DIAPH2: variants seen among roughly 807,000 people sequenced by gnomAD.
The protein encoded by DIAPH2 is protein diaphanous homolog 2.
In DIAPH2, 35 loss-of-function variants were observed where a neutral mutation model predicts 92.7. The observed-to-expected ratio is 0.38, with a 90% CI of 0.29 to 0.50. DIAPH2 has a LOEUF of 0.50. DIAPH2 is among the 20% of genes least tolerant of loss of function. The probability of loss-of-function intolerance (pLI) is 0.94; values close to 1 mark genes in which losing one functional copy is unlikely to be tolerated. For synonymous variants in DIAPH2, 301 were observed against 280.4 expected (o/e 1.07, Z -0.73); for missense variants, 701 against 819.5 (o/e 0.86, Z 1.77).
intron 17 of DIAPH2, among the ~76,000 whole-genome samples, chrX:97,000,299 A>G (rs996728579): frequency 5.4e-5 from 6 of 111,938 alleles, no homozygotes; most frequent in African/African-American, 2.0e-4. Flanking sequence ...TTATTTCCCA[A>G]TTGTCCACTT....
intron 26 of DIAPH2, among the ~76,000 whole-genome samples, chrX:97,522,939 C>G (rs1298874218): frequency 8.9e-6 from 1 of 112,055 alleles, no homozygotes; most frequent in Non-Finnish European, 1.9e-5. Flanking sequence ...GCAAATAATG[C>G]AAGACTTTTA....
intron 23 of DIAPH2, among the ~76,000 whole-genome samples, chrX:97,262,658 CGCCTATTAG>C (rs2068298469): frequency 9.0e-6 from 1 of 111,438 alleles, no homozygotes; most frequent in Admixed American, 9.6e-5. Flanking sequence ...AAGTTTGAGA[CGCCTATTAG>C]GCATCCAAGT....
chrX:97,585,139 G>A (rs1444334103), intron 26 of DIAPH2, among the ~76,000 whole-genome samples: 1 of 111,509 alleles, frequency 9.0e-6, no homozygotes, highest in Non-Finnish European at 1.9e-5. Flanking sequence ...TCACTCATAA[G>A]GTGATGATGC....
intron 26 of DIAPH2, among the ~76,000 whole-genome samples, chrX:97,553,264 A>G (rs2071233022): frequency 1.3e-5 from 1 of 74,250 alleles, no homozygotes; most frequent in Non-Finnish European, 3.0e-5. Context: ...GCTTCAAAAT[A>G]CACCCTAATT....
rs761374474 is a variant in DIAPH2, at chrX:96,735,665, A to C, written c.133-93A>C. 1.1e-4 allele frequency: 57 copies of C among 530,247 alleles called. No individual in the cohort carries two copies. The South Asian group carries it at 1.7e-3, about 16-fold the overall frequency. The allele number at this position is 530,247 out of a possible 1,213,427, so 43.7% of individuals were successfully genotyped here. On this transcript the variant is annotated intron_variant, in intron 1 of 26. Coordinates refer to ENST00000324765, the MANE Select transcript of DIAPH2 (RefSeq NM_006729.5). ...TCTTTTTGACTGTTTACAGTTAATAAAAATGAAAATTATTAAATTATTTTA... is the reference window on the plus strand; with the variant it reads ...TCTTTTTGACTGTTTACAGTTAATACAAATGAAAATTATTAAATTATTTTA...
intron 11 of DIAPH2, among the ~76,000 whole-genome samples, chrX:96,937,940 T>C (rs868626555): frequency 8.9e-6 from 1 of 111,842 alleles, no homozygotes. Context: ...GAGATGGTTG[T>C]CACAGCATTG....
chrX:96,753,703 G>GT (rs201609218), intron 3 of DIAPH2, among the ~76,000 whole-genome samples: 6,821 of 111,797 alleles, frequency 0.061, 211 homozygotes, highest in Middle Eastern at 0.15. Context: ...ATATTACGTA[G>GT]TCTTGAATTA....
intron 24 of DIAPH2, among the ~76,000 whole-genome samples, chrX:97,361,062 T>C (rs2069320916): frequency 9.5e-6 from 1 of 104,992 alleles, no homozygotes; most frequent in African/African-American, 3.5e-5. Context: ...TTTTTTTTTT[T>C]TTTTTCTTTT....
chrX:97,496,168 C>CTTTTTTT (rs10632820), intron 26 of DIAPH2, among the ~76,000 whole-genome samples: 12 of 54,098 alleles, frequency 2.2e-4, no homozygotes, highest in East Asian at 7.7e-4. Context: ...GAATTGGTAC[C>CTTTTTTT]TTTTTTTTTT....
intron 5 of DIAPH2, among the ~76,000 whole-genome samples, chrX:96,883,386 G>T (rs754222035): frequency 9.9e-6 from 1 of 101,266 alleles, no homozygotes; most frequent in Non-Finnish European, 2.0e-5. Flanking sequence ...TTTGTTTTTT[G>T]TTTTTTTTTT....
intron 4 of DIAPH2, among the ~76,000 whole-genome samples, chrX:96,877,606 C>T (rs1021668713): frequency 3.6e-5 from 4 of 111,860 alleles, no homozygotes; most frequent in Non-Finnish European, 5.6e-5. Context: ...GTAAGTAAGT[C>T]TGTTTTTACA....
chrX:96,894,974 A>ATTTTTTTTT (rs766131166), intron 5 of DIAPH2, among the ~76,000 whole-genome samples: 1 of 59,544 alleles, frequency 1.7e-5, no homozygotes, highest in Non-Finnish European at 3.1e-5. Flanking sequence ...GTTTTTCTTA[A>ATTTTTTTTT]TTTTTTTTTT....
intron 23 of DIAPH2, among the ~76,000 whole-genome samples, chrX:97,306,707 T>C (rs1474873254): frequency 8.9e-6 from 1 of 111,828 alleles, no homozygotes; most frequent in Non-Finnish European, 1.9e-5. Flanking sequence ...GCCCTGTTTT[T>C]GGAGGGCCAC....
In DIAPH2 at chrX:97,276,972, T is replaced by C. The variant is rs776580474; in HGVS notation, c.2844+29133T>C. Among the ~76,000 whole-genome samples the C allele has an allele frequency of 2.7e-5, 3 of 112,575 alleles. No individual in the cohort carries two copies. In the Admixed American group the frequency reaches 2.8e-4, roughly 11 times the overall value. On this transcript the variant is annotated intron_variant, in intron 23 of 26. Coordinates refer to ENST00000324765, the MANE Select transcript of DIAPH2 (RefSeq NM_006729.5). ...CAATCTATGATCATCTAGAACTGTT[T>C]CTGCTAGTCAATGTTAGATACTTTA... is the stretch of plus-strand genomic sequence containing the variant.
intron 9 of DIAPH2, among the ~76,000 whole-genome samples, chrX:96,928,710 G>A (rs1300551456): frequency 9.0e-6 from 1 of 110,600 alleles, no homozygotes; most frequent in Non-Finnish European, 1.9e-5. Context: ...ATAATAAATG[G>A]TACATTGTTA....
chrX:97,200,791 G>A (rs1003605056), intron 22 of DIAPH2, among the ~76,000 whole-genome samples: 34 of 111,735 alleles, frequency 3.0e-4, no homozygotes, highest in African/African-American at 1.1e-3. Context: ...CTGATAAGGG[G>A]GATTCTTCCA....
At chrX:97,170,290 G>T (rs749488699) in intron 22 of DIAPH2, among the ~76,000 whole-genome samples, 1 of 111,712 alleles carries the variant, frequency 9.0e-6, no homozygotes, top group South Asian at 3.8e-4. Context: ...GAAGGGGCCT[G>T]GTGTGTGATC....
chrX:97,449,505 C>T (rs558359068), intron 26 of DIAPH2, among the ~76,000 whole-genome samples: 11 of 112,212 alleles, frequency 9.8e-5, no homozygotes, highest in Middle Eastern at 4.6e-3. Context: ...TTCTGGTTAA[C>T]TAGCAGGTAA....
rs775255307 is a variant in DIAPH2 at position 97,146,515 on chromosome X, A to G, written c.2719+4721A>G. Reference sequence around the variant, plus strand: ...GAGTAAGATCTTTTCTGTGTGGTATAGCAAATACCAAATTTATTTTAGTTC... The same window carrying G: ...GAGTAAGATCTTTTCTGTGTGGTATGGCAAATACCAAATTTATTTTAGTTC... On this transcript the variant is annotated intron_variant, in intron 22 of 26. Transcript: ENST00000324765. Among the ~76,000 whole-genome samples, 18 of 111,368 alleles carry G rather than the reference A, an allele frequency of 1.6e-4. No individual in the cohort carries two copies. The East Asian group carries it at 4.2e-3, about 26-fold the overall frequency.
Sources: gnomAD v4.1 joint callset for allele counts (sites outside exome capture counted in the v4.1 genomes callset) on GRCh38, gnomAD v4.1.1 for gene constraint, MANE v1.5 for transcripts, NCBI Gene and HGNC (gene_info 2026-07-23, HGNC 2026-07-21) for gene names.